STOX2: variants seen among roughly 807,000 people sequenced by gnomAD.
STOX2 encodes storkhead-box protein 2.
In STOX2, 28 loss-of-function variants were observed where a neutral mutation model predicts 60.9. The observed-to-expected ratio is 0.46, with a 90% CI of 0.34 to 0.63. The LOEUF is 0.63. Among genes scored for constraint, STOX2 ranks in the 30% least tolerant of loss-of-function variants. The pLI, the probability that STOX2 is intolerant of heterozygous loss-of-function variation, is 0.01. For missense variants in STOX2, 1,024 were observed against 1,187.7 expected (o/e 0.86, Z 2.03); for synonymous variants, 472 against 463.9 (o/e 1.02, Z -0.22).
chr4:183,842,595 G>A (rs1184653379), intron 1 of STOX2, among the ~76,000 whole-genome samples: 1 of 152,120 alleles, frequency 6.6e-6, no homozygotes, highest in Non-Finnish European at 1.5e-5. Flanking sequence ...GTGCACATGG[G>A]GTTAAGCTGT....
At position 183,892,435 on chromosome 4, in the gene STOX2, C is replaced by T. The variant is rs370084552; in HGVS notation, c.364+94380C>T. On this transcript the variant is annotated intron_variant, in intron 1 of 2. Coordinates refer to the STOX2 transcript ENST00000513034. Reference sequence around the variant, plus strand: ...CTGGGACTATGGGCGCCCGCCACCACGCCCGGCTAATTTTTTTTGTATTTT... The same window carrying T: ...CTGGGACTATGGGCGCCCGCCACCATGCCCGGCTAATTTTTTTTGTATTTT... Among the ~76,000 whole-genome samples the T allele has an allele frequency of 9.7e-4, 147 of 150,818 alleles. 1 individual carries two copies. The highest frequency in any genetic ancestry group is 3.2e-3 in the African/African-American group (127 of 40,142).
chr4:184,013,753 T>G (rs1036121561), intron 3 of STOX2, among the ~76,000 whole-genome samples: 8 of 152,214 alleles, frequency 5.3e-5, no homozygotes, highest in African/African-American at 1.9e-4. Context: ...AGCATTATCA[T>G]GCGCCTACAT....
chr4:183,882,175 T>C (rs1329065249), intron 1 of STOX2, among the ~76,000 whole-genome samples: 4 of 152,186 alleles, frequency 2.6e-5, no homozygotes, highest in Non-Finnish European at 5.9e-5. Context: ...CTGTTCTCTT[T>C]TTACAATGAC....
At chr4:183,843,334 A>G (rs1011927813) in intron 1 of STOX2, among the ~76,000 whole-genome samples, 4 of 152,156 alleles carry the variant, frequency 2.6e-5, no homozygotes, top group Non-Finnish European at 5.9e-5. Context: ...ACTCCGCAGA[A>G]CTCAGTGTGA....
chr4:183,860,521 T>TTA (rs1266134062), intron 1 of STOX2, among the ~76,000 whole-genome samples: 1 of 151,294 alleles, frequency 6.6e-6, no homozygotes, highest in Non-Finnish European at 1.5e-5. Flanking sequence ...CCCTACCTCT[T>TTA]TATAGAGTGT....
intron 1 of STOX2, among the ~76,000 whole-genome samples, chr4:183,968,425 T>A (rs1743644216): frequency 6.6e-6 from 1 of 152,080 alleles, no homozygotes; most frequent in African/African-American, 2.4e-5. Context: ...AGTAAAGTTA[T>A]CTTTATGAGA....
chr4:183,991,132 T>G (rs1733087715), intron 1 of STOX2, among the ~76,000 whole-genome samples: 1 of 152,264 alleles, frequency 6.6e-6, no homozygotes, highest in South Asian at 2.1e-4. Flanking sequence ...TAATTCTCTA[T>G]CCACACTATT....
intron 1 of STOX2, among the ~76,000 whole-genome samples, chr4:183,887,104 C>CA (rs904427081): frequency 2.9e-4 from 43 of 148,236 alleles, no homozygotes; most frequent in African/African-American, 6.9e-4. Context: ...CCTAAAAATG[C>CA]AAAAAAAAAA....
At chr4:183,929,965 G>T (rs562842838) in intron 1 of STOX2, among the ~76,000 whole-genome samples, 6 of 151,924 alleles carry the variant, frequency 3.9e-5, no homozygotes, top group Admixed American at 2.6e-4. Context: ...CCGGGTTCAC[G>T]CCATTCTCCT....
upstream of STOX2, among the ~76,000 whole-genome samples, chr4:183,902,135 C>A (rs1268729214): frequency 6.6e-6 from 1 of 152,106 alleles, no homozygotes. Flanking sequence ...TAGCTCTGAA[C>A]AAAACAGAAC....
chr4:183,886,384 G>A (rs1182026409), intron 1 of STOX2, among the ~76,000 whole-genome samples: 1 of 152,206 alleles, frequency 6.6e-6, no homozygotes. Flanking sequence ...TTGGAGACAG[G>A]CCTTGTACCT....
intron 1 of STOX2, among the ~76,000 whole-genome samples, chr4:183,826,368 C>T (rs956617763): frequency 2.0e-5 from 3 of 152,156 alleles, no homozygotes; most frequent in Admixed American, 1.3e-4. Flanking sequence ...ATGGCTTGCT[C>T]ATCTATCTCA....
rs2111158464 is a variant in STOX2 at position 183,865,646 on chromosome 4, T to C, written c.364+67591T>C. ...AATTTATGGGATGTAAAGAAAAAAATTCACTGAAGAGGAGGTAGTGATTTA... is the reference window on the plus strand; with the variant it reads ...AATTTATGGGATGTAAAGAAAAAAACTCACTGAAGAGGAGGTAGTGATTTA... On this transcript the variant is annotated intron_variant, in intron 1 of 2. Transcript: ENST00000513034. The surrounding 1 kb of genome is among the most constrained non-coding windows in gnomAD (Gnocchi z 4.1). Among the ~76,000 whole-genome samples, 1 of 152,080 alleles carries C rather than the reference T, an allele frequency of 6.6e-6. No homozygotes were observed. The highest frequency in any genetic ancestry group is 1.5e-5 in the Non-Finnish European group (1 of 67,974).
intron 1 of STOX2, among the ~76,000 whole-genome samples, chr4:183,888,180 G>A (rs1445753934): frequency 1.3e-5 from 2 of 152,168 alleles, no homozygotes; most frequent in Non-Finnish European, 2.9e-5. Flanking sequence ...CCCTGAGACA[G>A]CTTCATGTTT....
At chr4:183,995,905 C>T (rs929489010) in intron 1 of STOX2, among the ~76,000 whole-genome samples, 2 of 152,206 alleles carry the variant, frequency 1.3e-5, no homozygotes, top group Non-Finnish European at 2.9e-5. Context: ...TGGGCTGTTC[C>T]GCCTCTCCTG....
At chr4:183,942,106 T>C (rs1742768706) in intron 1 of STOX2, among the ~76,000 whole-genome samples, 1 of 152,172 alleles carries the variant, frequency 6.6e-6, no homozygotes, top group Non-Finnish European at 1.5e-5. Context: ...ATCTTTGATT[T>C]TGGCTCAATC....
At chr4:183,999,842 G>A (rs1733508699) in intron 1 of STOX2, among the ~76,000 whole-genome samples, 1 of 152,160 alleles carries the variant, frequency 6.6e-6, no homozygotes, top group South Asian at 2.1e-4. Flanking sequence ...CTGACAGTGA[G>A]GAGGTTGGTC....
chr4:183,946,629 T>G (rs1412031659), intron 1 of STOX2, among the ~76,000 whole-genome samples: 1 of 5,318 alleles, frequency 1.9e-4, no homozygotes, highest in African/African-American at 2.2e-4. Flanking sequence ...TAGTTGTGGT[T>G]TTTTTTTTTT....
At chr4:183,972,106 C>A (rs1286375056) in intron 1 of STOX2, among the ~76,000 whole-genome samples, 1 of 152,202 alleles carries the variant, frequency 6.6e-6, no homozygotes, top group Non-Finnish European at 1.5e-5. Flanking sequence ...CCCTTCCCAA[C>A]CCATAGCCAG....
Sources: gnomAD v4.1 joint callset for allele counts (sites outside exome capture counted in the v4.1 genomes callset) on GRCh38, gnomAD v4.1.1 for gene constraint, Gnocchi (gnomAD v3.1) non-coding constraint, MANE v1.5 for transcripts, NCBI Gene and HGNC (gene_info 2026-07-23, HGNC 2026-07-21) for gene names.